Variants in TEAD3 observed in about 807,000 individuals in gnomAD.
TEAD3 encodes TEA domain transcription factor 3.
A neutral mutation model predicts 55.6 loss-of-function variants in TEAD3; 15 were observed. The ratio of observed to expected loss-of-function variants is 0.27; its 90% CI spans 0.18 to 0.42. The LOEUF (loss-of-function observed/expected upper bound fraction) is 0.42, where lower values mean the gene tolerates loss of function less well. Among genes scored for constraint, TEAD3 ranks in the 10% least tolerant of loss-of-function variants. TEAD3 has a pLI of 1.00. For synonymous variants in TEAD3, 210 were observed against 232.2 expected, an observed-to-expected ratio of 0.90 and a Z score of 0.87; for missense variants, 407 against 576.8, an observed-to-expected ratio of 0.71 and a Z score of 3.01.
At chr6:35,482,977 T>G (rs531616759) in intron 3 of TEAD3, among the ~76,000 whole-genome samples, 1 of 152,318 alleles carries the variant, frequency 6.6e-6, no homozygotes, top group African/African-American at 2.4e-5. Context: ...CTAAGAGTCT[T>G]CACATGTTAA....
At chr6:35,479,686 CTG>C (rs1356783738) in intron 4 of TEAD3, among the ~76,000 whole-genome samples, 1 of 152,208 alleles carries the variant, frequency 6.6e-6, no homozygotes, top group Non-Finnish European at 1.5e-5. Context: ...ACCCCAGACT[CTG>C]AGATCCGCAG....
At position 35,491,164 on chromosome 6, in the gene TEAD3, G is replaced by A. The variant is rs1030150031; in HGVS notation, c.-49-4453C>T. 6.6e-6 allele frequency among the ~76,000 whole-genome samples: 1 copy of A among 151,962 alleles called. No individual in the cohort carries two copies. Among genetic ancestry groups the A allele is most frequent in the Non-Finnish European group, 1.5e-5 (1 of 67,994 alleles). On this transcript the variant is annotated intron_variant, in intron 1 of 12. Coordinates refer to ENST00000639578, the Ensembl canonical transcript of TEAD3. The surrounding 1 kb of genome is among the most constrained non-coding windows in gnomAD (Gnocchi z 4.4). ...GCCCAACCCAGTGGGGGACAGACCA[G>A]AGCCCCGCAGAGTGAAGGGAGAGAC...
intron 5 of TEAD3, 127 bp downstream of exon 5, chr6:35,479,178 A>G (rs1314683615): frequency 8.0e-7 from 1 of 1,245,376 alleles, no homozygotes; most frequent in East Asian, 2.5e-5. Context: ...ACGCCCAGCC[A>G]TTTCGTTTTT....
In TEAD3 at chr6:35,486,913, AC is replaced by A. The variant is rs955063152; in HGVS notation, c.-49-203del. On this transcript the variant is annotated intron_variant, in intron 1 of 12. Coordinates refer to ENST00000639578, the Ensembl canonical transcript of TEAD3. The surrounding 1 kb of genome is among the most constrained non-coding windows in gnomAD (Gnocchi z 7.3). ...TGACCTGGGATGCACGCGCTACTTC[AC>A]CTCTCTAGGCCTCAGTCCTGTAAAA... is the stretch of plus-strand genomic sequence containing the variant. 2.6e-5 allele frequency among the ~76,000 whole-genome samples: 4 copies of A among 151,898 alleles called. No homozygotes were observed. The highest frequency in any genetic ancestry group is 1.5e-5 in the Non-Finnish European group (1 of 67,960).
At chr6:35,493,327 C>CAT (rs10638006) in intron 1 of TEAD3, among the ~76,000 whole-genome samples, 124,114 of 152,014 alleles carry the variant, frequency 0.82, 50,747 homozygotes, top group African/African-American at 0.86. Flanking sequence ...AGATGCCACA[C>CAT]GTCAGGGACC....
intron 1 of TEAD3, among the ~76,000 whole-genome samples, chr6:35,487,466 C>T (rs1413483360): frequency 6.7e-6 from 1 of 148,534 alleles, no homozygotes; most frequent in East Asian, 2.0e-4. Flanking sequence ...GCAGGAGAAT[C>T]GCTTCAACCC....
At chr6:35,494,529 A>G (rs1235852722) in intron 1 of TEAD3, among the ~76,000 whole-genome samples, 1 of 152,070 alleles carries the variant, frequency 6.6e-6, no homozygotes, top group Non-Finnish European at 1.5e-5. Context: ...CCCCAGCTCT[A>G]CCCAGAGGCA....
chr6:35,496,694 GGGAGGGC>G lies in TEAD3; in HGVS notation c.-50+197_-50+203del, dbSNP rs1768669065. On this transcript the variant is annotated intron_variant, in intron 1 of 12. Transcript: ENST00000639578. This position sits in a 1 kb window ranked among gnomAD's most constrained non-coding sequence, Gnocchi z 4.8. Reference sequence around the variant, plus strand: ...AACTCGTCCCCGTCGCGGGGGGGTGGGGAGGGCGGGGGGCGGGGCTTCCCGGAGAGAT... The same window carrying G: ...AACTCGTCCCCGTCGCGGGGGGGTGGGGGGGGCGGGGCTTCCCGGAGAGAT... 6.6e-6 allele frequency among the ~76,000 whole-genome samples: 1 copy of G among 152,144 alleles called. No individual in the cohort carries two copies. Among genetic ancestry groups the G allele is most frequent in the South Asian group, 2.1e-4 (1 of 4,836 alleles).
Position 35,488,143 on chromosome 6 carries a change from C to G in TEAD3, c.-49-1432G>C, listed in dbSNP as rs1768426766. ...TGCCCCAGGAATTACAAAAAGGGAACTGGTGAGGGAGCAGCAGAGAAGGTG... is the reference window on the plus strand; with the variant it reads ...TGCCCCAGGAATTACAAAAAGGGAAGTGGTGAGGGAGCAGCAGAGAAGGTG... On this transcript the variant is annotated intron_variant, in intron 1 of 12. Transcript: ENST00000639578. The surrounding 1 kb of genome is among the most constrained non-coding windows in gnomAD (Gnocchi z 4.2). Among the ~76,000 whole-genome samples the G allele has an allele frequency of 6.6e-6, 1 of 152,210 alleles. No homozygotes were observed. The highest frequency in any genetic ancestry group is 2.1e-4 in the South Asian group (1 of 4,836).
chr6:35,484,727 C>T lies in TEAD3; in HGVS notation c.203-103G>A. ...AGCCACTCCAGGACCCTCCCCAAAA[C>T]ACTGCTCTTCTGTTCCTCACTCTCT... On this transcript the variant is annotated intron_variant, in intron 2 of 12. Transcript: ENST00000639578. The surrounding 1 kb of genome is among the most constrained non-coding windows in gnomAD (Gnocchi z 5.8). 1 of 974,696 alleles carries T rather than the reference C, an allele frequency of 1.0e-6. No individual in the cohort carries two copies. 60.4% of individuals were successfully genotyped at this position (974,696 alleles called of 1,614,324 possible).
At position 35,475,417 on chromosome 6, in the gene TEAD3, CAT is replaced by C; in HGVS notation, c.1111_1112del (p.Met371AspfsTer51). ...GCTTCAGCTTGTGGATGAAGTTGATCATGTACTCGCACATGGGCGAGCGGTGG... is the reference window on the plus strand; with the variant it reads ...GCTTCAGCTTGTGGATGAAGTTGATCGTACTCGCACATGGGCGAGCGGTGG... On this transcript the variant is annotated frameshift_variant, in exon 12 of 13. Coordinates refer to ENST00000639578, the Ensembl canonical transcript of TEAD3. LOFTEE classifies it high-confidence loss of function. The surrounding 1 kb of genome is among the most constrained non-coding windows in gnomAD (Gnocchi z 5.4). 6.2e-7 allele frequency: 1 copy of C among 1,614,056 alleles called. No homozygotes were observed. The highest frequency in any genetic ancestry group is 8.5e-7 in the Non-Finnish European group (1 of 1,179,972).
chr6:35,477,571 C>T (rs1768176858), intron 7 of TEAD3, among the ~76,000 whole-genome samples, 199 bp from the exon 8 acceptor site: 1 of 152,040 alleles, frequency 6.6e-6, no homozygotes, highest in Non-Finnish European at 1.5e-5. Flanking sequence ...CGTCTCCCAG[C>T]TGATCTGCCC....
Position 35,486,610 on chromosome 6 carries a change from T to C in TEAD3, c.53A>G (p.Asp18Gly). 1 of 1,613,254 alleles carries C rather than the reference T, an allele frequency of 6.2e-7. No individual in the cohort carries two copies. The highest frequency in any genetic ancestry group is 8.5e-7 in the Non-Finnish European group (1 of 1,179,760). The stretch of plus-strand genomic sequence containing the variant: ...CCCCTTGTCCAGGCCCTCGGGCCCA[T>C]CCTCCCGGGCCTCCCCGGGGCTGCT... Residue 18 changes from aspartate (D) to glycine (G), a missense_variant, in exon 2 of 13, where the codon GAT (aspartate) becomes GGT (glycine). Transcript: ENST00000639578. This position sits in a 1 kb window ranked among gnomAD's most constrained non-coding sequence, Gnocchi z 7.3.
rs1721492476 is a variant in TEAD3, at chr6:35,491,927, C to G, written c.-50+4971G>C. On this transcript the variant is annotated intron_variant, in intron 1 of 12. Coordinates refer to ENST00000639578, the Ensembl canonical transcript of TEAD3. The surrounding 1 kb of genome is among the most constrained non-coding windows in gnomAD (Gnocchi z 4.4). ...TGCAGAGGCCCTGGTCCCCCACCCC[C>G]ACAGACCCTGCAGCCTCCAGACCAC... 6.6e-6 allele frequency among the ~76,000 whole-genome samples: 1 copy of G among 152,222 alleles called. No individual in the cohort carries two copies.
chr6:35,480,114 G>A, exon 4 of TEAD3: 1 of 1,544,070 alleles, frequency 6.5e-7, no homozygotes, highest in Non-Finnish European at 8.7e-7. Flanking sequence ...CTTGCAAGTG[G>A]CTAGAGACCT....
chr6:35,490,361 C>T (rs1561807897), intron 1 of TEAD3, among the ~76,000 whole-genome samples: 1 of 152,072 alleles, frequency 6.6e-6, no homozygotes, highest in Non-Finnish European at 1.5e-5. Flanking sequence ...GGGGGGACGG[C>T]CCAAAGGACG....
intron 8 of TEAD3, 149 bp from the exon 9 acceptor site, chr6:35,476,584 C>A: frequency 2.2e-6 from 2 of 926,504 alleles, no homozygotes; most frequent in South Asian, 1.6e-5. Context: ...CAGTGTACAA[C>A]CTGCACAACC....
Position 35,484,424 on chromosome 6 carries a change from T to A in TEAD3, c.267+136A>T. 1 of 751,166 alleles carries A rather than the reference T, an allele frequency of 1.3e-6. No homozygotes were observed. Among genetic ancestry groups the A allele is most frequent in the Non-Finnish European group, 2.3e-6 (1 of 439,774 alleles). 46.5% of individuals were successfully genotyped at this position (751,166 alleles called of 1,614,324 possible). ...TGTAAAATCGAGGGGGTAAGGGGAGTGTGATGAGGCAAGGAGGGTGGCAGT... is the reference window on the plus strand; with the variant it reads ...TGTAAAATCGAGGGGGTAAGGGGAGAGTGATGAGGCAAGGAGGGTGGCAGT... On this transcript the variant is annotated intron_variant, in intron 3 of 12. Transcript: ENST00000639578. The surrounding 1 kb of genome is among the most constrained non-coding windows in gnomAD (Gnocchi z 5.8).
In TEAD3 at chr6:35,485,736, A is replaced by G. The variant is rs1768361585; in HGVS notation, c.202+725T>C. On this transcript the variant is annotated intron_variant, in intron 2 of 12. Transcript: ENST00000639578. This position sits in a 1 kb window ranked among gnomAD's most constrained non-coding sequence, Gnocchi z 4.3. ...CTCTGGGGCTGGGTGGGCGTGGCCA[A>G]GGGACACGGAGCGGACCTGATCCCT... Among the ~76,000 whole-genome samples, 1 of 152,188 alleles carries G rather than the reference A, an allele frequency of 6.6e-6. No homozygotes were observed.
Sources: allele counts gnomAD v4.1 joint callset (sites outside exome capture counted in the v4.1 genomes callset), GRCh38; gene constraint gnomAD v4.1.1; non-coding constraint Gnocchi (gnomAD v3.1); transcripts MANE v1.5; gene names NCBI Gene and HGNC (gene_info 2026-07-23, HGNC 2026-07-21).